TPTE: variants seen among roughly 807,000 people sequenced by gnomAD.
TPTE encodes putative tyrosine-protein phosphatase TPTE.
Under a neutral mutation model 84.1 loss-of-function variants are expected in TPTE, and 59 were observed. The ratio of observed to expected loss-of-function variants is 0.70; its 90% CI spans 0.57 to 0.87. The LOEUF (loss-of-function observed/expected upper bound fraction) is 0.87, where lower values mean the gene tolerates loss of function less well. TPTE is among the 40% of genes least tolerant of loss of function. The pLI is 0.00. For synonymous variants in TPTE, 130 were observed against 223.5 expected (o/e 0.58, Z 3.73); for missense variants, 382 against 659.6 (o/e 0.58, Z 4.61).
chr21:10,521,944 C>T (rs978322535), intron 1 of TPTE, among the ~76,000 whole-genome samples: 1 of 152,260 alleles, frequency 6.6e-6, no homozygotes, highest in African/African-American at 2.4e-5. Flanking sequence ...CCCTCCTCTC[C>T]GCGCCCGCTC....
intron 21 of TPTE, among the ~76,000 whole-genome samples, chr21:10,601,040 T>A (rs1298225198): frequency 6.6e-6 from 1 of 152,312 alleles, no homozygotes; most frequent in Non-Finnish European, 1.5e-5. Flanking sequence ...CCGTGATAAG[T>A]TATGCATTGC....
rs889912234 is a variant in TPTE at position 10,523,451 on chromosome 21, TC to T, written c.-210-1123del. ...ATCTCCCAATGCTATCCCTCCCCCCTCCCCCCACCCCACAACAGTCCCCAGA... is the reference window on the plus strand; with the variant it reads ...ATCTCCCAATGCTATCCCTCCCCCCTCCCCCACCCCACAACAGTCCCCAGA... On this transcript the variant is annotated intron_variant, in intron 1 of 23. Transcript: ENST00000618007. Among the ~76,000 whole-genome samples the T allele has an allele frequency of 6.5e-4, 59 of 91,154 alleles. No individual in the cohort carries two copies. In the East Asian group the frequency reaches 7.6e-3, roughly 12 times the overall value. 59.8% of individuals were successfully genotyped at this position (91,154 alleles called of 152,430 possible).
chr21:10,524,971 A>G (rs1211753571), intron 2 of TPTE, among the ~76,000 whole-genome samples: 19 of 152,302 alleles, frequency 1.2e-4, no homozygotes, highest in Non-Finnish European at 2.2e-4. Context: ...GCCTCATTCT[A>G]TGACATTTTA....
chr21:10,530,294 G>GATGAGAGT (rs1381673325), intron 3 of TPTE, among the ~76,000 whole-genome samples: 2 of 152,312 alleles, frequency 1.3e-5, no homozygotes, highest in Non-Finnish European at 2.9e-5. Flanking sequence ...TTAATATCTA[G>GATGAGAGT]ATGAGAGTAC....
intron 8 of TPTE, among the ~76,000 whole-genome samples, chr21:10,554,619 C>G (rs2074642837): frequency 6.6e-6 from 1 of 152,306 alleles, no homozygotes; most frequent in African/African-American, 2.4e-5. Flanking sequence ...GGTTGTCTTG[C>G]TTTTCACTAT....
intron 1 of TPTE, among the ~76,000 whole-genome samples, 182 bp downstream of exon 1, chr21:10,521,876 C>T (rs1290310376): frequency 2.0e-5 from 3 of 152,276 alleles, no homozygotes; most frequent in Non-Finnish European, 4.4e-5. Context: ...GAGGTGTCCG[C>T]ACAAAAGGCC....
At chr21:10,604,085 G>A (rs1196963690) in intron 23 of TPTE, among the ~76,000 whole-genome samples, 1 of 152,312 alleles carries the variant, frequency 6.6e-6, no homozygotes, top group African/African-American at 2.4e-5. Flanking sequence ...ATATCTAGGA[G>A]AAGTCACAAG....
At chr21:10,581,286 C>T (rs1212928578) in intron 17 of TPTE, among the ~76,000 whole-genome samples, 7 of 152,410 alleles carry the variant, frequency 4.6e-5, no homozygotes, top group African/African-American at 1.2e-4. Context: ...TAAAAATGGC[C>T]ATTTCACATT....
chr21:10,604,635 CA>C (rs1979049383), intron 23 of TPTE, among the ~76,000 whole-genome samples: 1 of 152,302 alleles, frequency 6.6e-6, no homozygotes, highest in Non-Finnish European at 1.5e-5. Context: ...TGCATACAAA[CA>C]ATAAGCTTTT....
At chr21:10,577,781 C>A (rs1395184173) in intron 15 of TPTE, among the ~76,000 whole-genome samples, 2 of 152,418 alleles carry the variant, frequency 1.3e-5, no homozygotes, top group Non-Finnish European at 2.9e-5. Flanking sequence ...AAGATCTGTT[C>A]TAGCGATATT....
intron 14 of TPTE, among the ~76,000 whole-genome samples, chr21:10,573,918 A>T (rs1205870110): frequency 6.6e-6 from 1 of 152,312 alleles, no homozygotes; most frequent in African/African-American, 2.4e-5. Context: ...TTATATATTA[A>T]TTCTACCCCA....
At chr21:10,542,861 C>A in intron 6 of TPTE, among the ~76,000 whole-genome samples, 1 of 152,292 alleles carries the variant, frequency 6.6e-6, no homozygotes, top group East Asian at 1.9e-4. Flanking sequence ...TTTGCTTCTT[C>A]CTGTAATGTA....
chr21:10,527,764 C>A (rs1425457291), intron 3 of TPTE, among the ~76,000 whole-genome samples: 2 of 152,306 alleles, frequency 1.3e-5, no homozygotes, highest in African/African-American at 2.4e-5. Flanking sequence ...CTGTCCCTCA[C>A]CCTTCAGAGC....
intron 23 of TPTE, among the ~76,000 whole-genome samples, chr21:10,604,860 T>A (rs1444131024): frequency 6.6e-6 from 1 of 152,308 alleles, no homozygotes; most frequent in African/African-American, 2.4e-5. Context: ...TACATCCTAC[T>A]TGGTAAAGCT....
chr21:10,600,500 C>T (rs1385910141), intron 21 of TPTE, among the ~76,000 whole-genome samples: 7 of 152,300 alleles, frequency 4.6e-5, no homozygotes, highest in Non-Finnish European at 5.9e-5. Flanking sequence ...GGACTAGATT[C>T]TGTTTTCAGA....
At position 10,541,105 on chromosome 21, in the gene TPTE, C is replaced by T. The variant is rs1243323731; in HGVS notation, c.12-7C>T. 3.1e-6 allele frequency: 5 copies of T among 1,612,844 alleles called. No homozygotes were observed. Among genetic ancestry groups the T allele is most frequent in the Non-Finnish European group, 4.2e-6 (5 of 1,179,092 alleles). The stretch of plus-strand genomic sequence containing the variant: ...TGGGTCTGACTCTGACCATATTTGT[C>T]CTTTAGTCCTGATCCGACTGACCTG... On this transcript the variant is annotated splice_region_variant and splice_polypyrimidine_tract_variant and intron_variant, in intron 4 of 23. Transcript: ENST00000618007.
At chr21:10,543,099 G>A (rs1969430573) in intron 6 of TPTE, among the ~76,000 whole-genome samples, 2 of 117,832 alleles carry the variant, frequency 1.7e-5, no homozygotes, top group Non-Finnish European at 3.1e-5. Flanking sequence ...GCGCAATCTC[G>A]GCTCACTGCA....
chr21:10,528,855 CA>C (rs1345011288), intron 3 of TPTE, among the ~76,000 whole-genome samples: 2 of 152,308 alleles, frequency 1.3e-5, no homozygotes, highest in African/African-American at 4.8e-5. Context: ...TAATATGGCC[CA>C]AGGATTCTAC....
At chr21:10,556,041 C>CT (rs200209980) in intron 8 of TPTE, among the ~76,000 whole-genome samples, 15,492 of 146,480 alleles carry the variant, frequency 0.11, 8 homozygotes, top group African/African-American at 0.22. Context: ...TCACCTGCTA[C>CT]TTTTTTTTAT....
Sources: gnomAD v4.1 joint callset for allele counts (sites outside exome capture counted in the v4.1 genomes callset) on GRCh38, gnomAD v4.1.1 for gene constraint, MANE v1.5 for transcripts, NCBI Gene and HGNC (gene_info 2026-07-23, HGNC 2026-07-21) for gene names.